PRKCE: variants seen among roughly 807,000 people sequenced by gnomAD.
The protein encoded by PRKCE is protein kinase C epsilon type.
PRKCE carries 16 observed loss-of-function variants against 85.4 expected under a neutral mutation model. The ratio of observed to expected loss-of-function variants is 0.19; its 90% confidence interval spans 0.13 to 0.28. The LOEUF (loss-of-function observed/expected upper bound fraction) is 0.28, where lower values mean the gene tolerates loss of function less well. Ranked by LOEUF, PRKCE falls within the 10% of genes least tolerant of loss-of-function variation. The pLI is 1.00. For synonymous variants in PRKCE, 388 were observed against 371.5 expected, an observed-to-expected ratio of 1.04 and a Z score of -0.51; for missense variants, 573 against 975.2, an observed-to-expected ratio of 0.59 and a Z score of 5.49.
intron 2 of PRKCE, among the ~76,000 whole-genome samples, chr2:45,873,759 T>C (rs968502765): frequency 3.3e-5 from 5 of 152,214 alleles, no homozygotes; most frequent in African/African-American, 1.2e-4. Flanking sequence ...TGTCGGTGTG[T>C]TCCCTGAGAG....
chr2:45,962,482 AC>A (rs367564309), intron 2 of PRKCE, among the ~76,000 whole-genome samples: 358 of 150,996 alleles, frequency 2.4e-3, no homozygotes, highest in African/African-American at 8.2e-3. Context: ...AACGCCCACC[AC>A]CCCCCTTCCT....
At chr2:45,837,110 G>T (rs569629225) in intron 1 of PRKCE, among the ~76,000 whole-genome samples, 3 of 152,310 alleles carry the variant, frequency 2.0e-5, no homozygotes, top group South Asian at 4.1e-4. Context: ...GATCACGGGG[G>T]GCTGACAGCA....
At chr2:45,865,800 T>TTTCTTCTTCTTCTTC (rs371476589) in intron 2 of PRKCE, among the ~76,000 whole-genome samples, 4 of 126,028 alleles carry the variant, frequency 3.2e-5, no homozygotes, top group Non-Finnish European at 6.6e-5. Flanking sequence ...AGAAAATAAG[T>TTTCTTCTTCTTCTTC]TTCTTCTTCT....
intron 11 of PRKCE, among the ~76,000 whole-genome samples, chr2:46,124,079 C>T (rs920736828): frequency 2.0e-5 from 3 of 151,946 alleles, no homozygotes; most frequent in African/African-American, 7.2e-5. Context: ...AATCTCAGCA[C>T]TTTGGGAGGC....
At chr2:45,698,751 A>G (rs1262016572) in intron 1 of PRKCE, among the ~76,000 whole-genome samples, 2 of 152,100 alleles carry the variant, frequency 1.3e-5, no homozygotes, top group Middle Eastern at 3.2e-3. Flanking sequence ...AAAAACAGCC[A>G]ATCTGAGAAT....
rs1704679793 is a variant in PRKCE at position 46,001,510 on chromosome 2, A to G, written c.930A>G (p.Pro310=). The G allele has an allele frequency of 1.9e-6, 3 of 1,599,386 alleles. No homozygotes were observed. Among genetic ancestry groups the G allele is most frequent in the East Asian group, 2.2e-5 (1 of 44,864 alleles). ...TACTGGCCGACCTGGGCGTTACCCC[A>G]GACAAAATCACCAACAGCGGCCAGA... ...AKVLADLGVT[P]DKITNSGQRR... The change falls in exon 7 of 15, where the codon CCA becomes CCG. Residue 310 remains proline (P), a synonymous_variant. Coordinates refer to ENST00000306156, the MANE Select transcript of PRKCE (RefSeq NM_005400.3). The surrounding 1 kb of genome is among the most constrained non-coding windows in gnomAD (Gnocchi z 4.4).
intron 2 of PRKCE, among the ~76,000 whole-genome samples, chr2:45,864,971 A>G (rs1693467950): frequency 6.6e-6 from 1 of 152,212 alleles, no homozygotes; most frequent in South Asian, 2.1e-4. Flanking sequence ...GTGAAGCCGA[A>G]AATTTACATT....
intron 2 of PRKCE, among the ~76,000 whole-genome samples, chr2:45,942,524 G>A (rs1420548303): frequency 6.6e-6 from 1 of 152,230 alleles, no homozygotes. Flanking sequence ...CCGTTGTGAT[G>A]TGAAAGGTCC....
chr2:45,669,004 A>G (rs1039351027), intron 1 of PRKCE, among the ~76,000 whole-genome samples: 2 of 152,138 alleles, frequency 1.3e-5, no homozygotes, highest in African/African-American at 4.8e-5. Context: ...TTCTTAGCCA[A>G]ATAGTCTGCC....
chr2:45,999,471 AC>A (rs1224951901), intron 6 of PRKCE, among the ~76,000 whole-genome samples: 2 of 151,262 alleles, frequency 1.3e-5, no homozygotes, highest in Non-Finnish European at 2.9e-5. Context: ...TATAGGTAAA[AC>A]TTTTTTTTTT....
chr2:45,690,897 T>G (rs527245367), intron 1 of PRKCE, among the ~76,000 whole-genome samples: 1 of 152,260 alleles, frequency 6.6e-6, no homozygotes, highest in Non-Finnish European at 1.5e-5. Context: ...TGGCTTACTC[T>G]GAAGCAGATA....
chr2:45,748,202 C>G (rs1404570559), intron 1 of PRKCE, among the ~76,000 whole-genome samples: 1 of 152,176 alleles, frequency 6.6e-6, no homozygotes, highest in Non-Finnish European at 1.5e-5. Flanking sequence ...TGGATATATG[C>G]CAGGCATCAT....
At chr2:45,915,111 A>T (rs1023977474) in intron 2 of PRKCE, among the ~76,000 whole-genome samples, 1 of 151,944 alleles carries the variant, frequency 6.6e-6, no homozygotes, top group South Asian at 2.1e-4. Context: ...CTGGTCTCGA[A>T]CTCCTTACCT....
chr2:45,870,798 T>C (rs1340233504), intron 2 of PRKCE, among the ~76,000 whole-genome samples: 1 of 152,230 alleles, frequency 6.6e-6, no homozygotes. Context: ...GTGGGGGTGC[T>C]AATTCTCTCT....
chr2:46,137,627 G>A (rs566705631), intron 11 of PRKCE, among the ~76,000 whole-genome samples: 2 of 150,022 alleles, frequency 1.3e-5, no homozygotes, highest in African/African-American at 4.9e-5. Context: ...CTGGACAGTA[G>A]TGGTGCATGC....
intron 1 of PRKCE, among the ~76,000 whole-genome samples, chr2:45,690,123 C>T (rs995847042): frequency 1.3e-5 from 2 of 152,150 alleles, no homozygotes; most frequent in African/African-American, 4.8e-5. Context: ...TCATATTGAT[C>T]TGCTTTCTTC....
chr2:46,178,767 C>T (rs1168163566), intron 14 of PRKCE, among the ~76,000 whole-genome samples: 4 of 152,140 alleles, frequency 2.6e-5, no homozygotes, highest in Non-Finnish European at 5.9e-5. Flanking sequence ...TTATTTCCGG[C>T]CAATGAACGT....
chr2:46,078,403 G>A (rs4953302), intron 10 of PRKCE: 21,344 of 151,118 alleles, frequency 0.14, 2,202 homozygotes, highest in East Asian at 0.51. Context: ...AGCTGGACAT[G>A]GTGGCACATG....
chr2:45,729,862 C>A lies in PRKCE; in HGVS notation c.348+77414C>A, dbSNP rs962372214. ...TCAAGGGGAGCAGATCTGTCAATGG[C>A]TCAAAGCCTGGAGTGCAGTTCCTAC... On this transcript the variant is annotated intron_variant, in intron 1 of 14. Transcript: ENST00000306156. Among the ~76,000 whole-genome samples, 6 of 152,168 alleles carry A rather than the reference C, an allele frequency of 3.9e-5. 1 individual carries two copies. The highest frequency in any genetic ancestry group is 3.9e-4 in the Admixed American group (6 of 15,280).
Sources: gnomAD v4.1 joint callset for allele counts (sites outside exome capture counted in the v4.1 genomes callset) on GRCh38, gnomAD v4.1.1 for gene constraint, Gnocchi (gnomAD v3.1) non-coding constraint, MANE v1.5 for transcripts, NCBI Gene and HGNC (gene_info 2026-07-23, HGNC 2026-07-21) for gene names.